Variants in POU2F1 observed in about 807,000 individuals in gnomAD.
The protein encoded by POU2F1 is POU class 2 homeobox 1.
POU2F1 carries 16 observed loss-of-function variants against 84.9 expected under a neutral mutation model. The observed-to-expected ratio is 0.19, with a 90% CI of 0.13 to 0.29. The LOEUF is 0.29. Ranked by LOEUF, POU2F1 falls within the 10% of genes least tolerant of loss-of-function variation. The probability of loss-of-function intolerance (pLI) is 1.00; values close to 1 mark genes in which losing one functional copy is unlikely to be tolerated. For missense variants in POU2F1, 738 were observed against 942.6 expected, an observed-to-expected ratio of 0.78 and a Z score of 2.84; for synonymous variants, 368 against 368.3, an observed-to-expected ratio of 1.00 and a Z score of 0.01.
intron 1 of POU2F1, among the ~76,000 whole-genome samples, chr1:167,324,547 A>AT (rs1212858227): frequency 6.6e-6 from 1 of 152,206 alleles, no homozygotes; most frequent in Non-Finnish European, 1.5e-5. Flanking sequence ...TAGGTTGACC[A>AT]TTTTGTTCAG....
chr1:167,301,141 A>C (rs1257371757), intron 1 of POU2F1, among the ~76,000 whole-genome samples: 2 of 152,162 alleles, frequency 1.3e-5, no homozygotes, highest in Non-Finnish European at 2.9e-5. Flanking sequence ...AAAGATGCAT[A>C]GTATTTACTA....
chr1:167,340,536 G>T (rs1313664386), intron 2 of POU2F1, among the ~76,000 whole-genome samples: 1 of 146,462 alleles, frequency 6.8e-6, no homozygotes, highest in Non-Finnish European at 1.5e-5. Context: ...CATTCATGAA[G>T]TTCTCCCGCC....
chr1:167,244,272 A>T (rs746946297), intron 1 of POU2F1, among the ~76,000 whole-genome samples: 4 of 152,080 alleles, frequency 2.6e-5, no homozygotes, highest in Non-Finnish European at 4.4e-5. Flanking sequence ...CAATTAAGAT[A>T]TTGGTCAGAG....
At chr1:167,396,515 C>CT in intron 10 of POU2F1, 88 bp downstream of exon 10, 1 of 1,376,740 alleles carries the variant, frequency 7.3e-7, no homozygotes, top group Non-Finnish European at 1.0e-6. Flanking sequence ...ATTTCTTACT[C>CT]TATTTTTGTT....
chr1:167,347,231 A>G (rs1335952995), intron 2 of POU2F1, among the ~76,000 whole-genome samples: 2 of 152,258 alleles, frequency 1.3e-5, no homozygotes, highest in Non-Finnish European at 2.9e-5. Context: ...ATGTAGGTTT[A>G]ATTGAAGTAG....
At chr1:167,370,089 T>C in intron 3 of POU2F1, 72 bp from the exon 4 acceptor site, 1 of 1,314,062 alleles carries the variant, frequency 7.6e-7, no homozygotes, top group Non-Finnish European at 1.1e-6. Flanking sequence ...TAGTAGACTT[T>C]ATTTAGTGAT....
In POU2F1 at chr1:167,310,637, T is replaced by C. The variant is rs565928697; in HGVS notation, c.62-21833T>C. ...GTACGTAAAAATGTTTAATATAAAATGCCTAATAATCAATAGACATAATTA... is the reference window on the plus strand; with the variant it reads ...GTACGTAAAAATGTTTAATATAAAACGCCTAATAATCAATAGACATAATTA... On this transcript the variant is annotated intron_variant, in intron 1 of 15. Transcript: ENST00000367866. Among the ~76,000 whole-genome samples, 6 of 152,234 alleles carry C rather than the reference T, an allele frequency of 3.9e-5. No homozygotes were observed. In the South Asian group the frequency reaches 1.0e-3, roughly 26 times the overall value.
In POU2F1 at chr1:167,271,981, G is replaced by A. The variant is rs147344660; in HGVS notation, c.61+51023G>A. 1.1e-4 allele frequency among the ~76,000 whole-genome samples: 16 copies of A among 152,230 alleles called. No individual in the cohort carries two copies. In the East Asian group the frequency reaches 2.9e-3, roughly 28 times the overall value. Reference sequence around the variant, plus strand: ...TATTGGGATATAACCATACCCATTTGTTTATGCATTGTCTCTGTAATATCT... The same window carrying A: ...TATTGGGATATAACCATACCCATTTATTTATGCATTGTCTCTGTAATATCT... On this transcript the variant is annotated intron_variant, in intron 1 of 15. Transcript: ENST00000367866.
chr1:167,411,290 A>G (rs1308954759), intron 13 of POU2F1, among the ~76,000 whole-genome samples: 2 of 152,158 alleles, frequency 1.3e-5, no homozygotes, highest in African/African-American at 2.4e-5. Flanking sequence ...TGCCCACCTC[A>G]GCCTCCCAAA....
Position 167,374,151 on chromosome 1 carries a change from C to T in POU2F1, c.446C>T (p.Ala149Val). 6.2e-7 allele frequency: 1 copy of T among 1,614,024 alleles called. No homozygotes were observed. The highest frequency in any genetic ancestry group is 8.5e-7 in the Non-Finnish European group (1 of 1,179,950). ...CAGCAACAGTTACTACTCCAGCAGG[C>T]ACAGGCACAGGCACAGCTGCTGGCT... ...PAQQQLLLQQ[A>V]QAQAQLLAAA... Residue 149 changes from alanine to valine, a missense_variant, in exon 6 of 16, where the codon GCA (alanine) becomes GTA (valine). Physicochemically the swap from Ala to Val is moderately conservative, Grantham distance 64. Coordinates refer to ENST00000367866, the MANE Select transcript of POU2F1 (RefSeq NM_002697.4).
intron 2 of POU2F1, among the ~76,000 whole-genome samples, chr1:167,339,288 C>G (rs1657680188): frequency 6.6e-6 from 1 of 152,132 alleles, no homozygotes; most frequent in South Asian, 2.1e-4. Flanking sequence ...TTGCAAAATA[C>G]CTTTTGCCGT....
chr1:167,364,333 A>G (rs1009823505), intron 2 of POU2F1, among the ~76,000 whole-genome samples: 2 of 151,392 alleles, frequency 1.3e-5, no homozygotes, highest in African/African-American at 2.4e-5. Flanking sequence ...GATCGAGACC[A>G]TCCCGGCTAT....
chr1:167,374,349 G>C, intron 6 of POU2F1, 53 bp downstream of exon 6: 1 of 1,486,900 alleles, frequency 6.7e-7, no homozygotes, highest in African/African-American at 1.4e-5. Flanking sequence ...AAAGTGGCAG[G>C]TTTTATTTAA....
chr1:167,246,562 A>G (rs1650336067), intron 1 of POU2F1, among the ~76,000 whole-genome samples: 1 of 152,238 alleles, frequency 6.6e-6, no homozygotes, highest in Admixed American at 6.5e-5. Context: ...TAAGAAGTAT[A>G]AATTAACACT....
chr1:167,284,761 CA>C (rs1352754033), intron 1 of POU2F1, among the ~76,000 whole-genome samples: 1 of 152,166 alleles, frequency 6.6e-6, no homozygotes, highest in Non-Finnish European at 1.5e-5. Flanking sequence ...AATCTTCCTT[CA>C]TGGCACCATG....
intron 1 of POU2F1, among the ~76,000 whole-genome samples, chr1:167,318,005 T>C (rs1381030865): frequency 6.6e-6 from 1 of 152,196 alleles, no homozygotes; most frequent in African/African-American, 2.4e-5. Context: ...TCCAAGAGTT[T>C]TTATCCATTT....
intron 1 of POU2F1, among the ~76,000 whole-genome samples, chr1:167,266,194 T>A (rs1651938183): frequency 6.6e-6 from 1 of 152,222 alleles, no homozygotes. Context: ...GTTACATAGA[T>A]GAACACATGC....
In POU2F1 at chr1:167,319,306, A is replaced by T. The variant is rs965730092; in HGVS notation, c.62-13164A>T. 2.4e-4 allele frequency among the ~76,000 whole-genome samples: 36 copies of T among 152,024 alleles called. 1 individual carries two copies. Among genetic ancestry groups the T allele is most frequent in the Non-Finnish European group, 5.9e-5 (4 of 67,998 alleles). ...CTGTTTCCCAACTTTTTGTTGTCGG[A>T]TCTCTCCACCAAACCAGTTGTTTTG... On this transcript the variant is annotated intron_variant, in intron 1 of 15. Transcript: ENST00000367866.
intron 8 of POU2F1, among the ~76,000 whole-genome samples, chr1:167,384,505 C>T (rs1647812664): frequency 1.3e-5 from 2 of 152,132 alleles, no homozygotes; most frequent in Non-Finnish European, 2.9e-5. Flanking sequence ...TCTCTCTGGA[C>T]CTCAGTCTTC....
Sources: gnomAD v4.1 joint callset for allele counts (sites outside exome capture counted in the v4.1 genomes callset) on GRCh38, gnomAD v4.1.1 for gene constraint, MANE v1.5 for transcripts, NCBI Gene and HGNC (gene_info 2026-07-23, HGNC 2026-07-21) for gene names.